The following CDH13 variants were observed in gnomAD, a reference collection of about 807,000 sequenced individuals.
CDH13 encodes the protein cadherin-13.
CDH13 carries 24 observed loss-of-function variants against 63.8 expected under a neutral mutation model. The observed-to-expected ratio is 0.38, with a 90% CI of 0.27 to 0.53. The LOEUF (loss-of-function observed/expected upper bound fraction) is 0.53, where lower values mean the gene tolerates loss of function less well. CDH13 is among the 20% of genes least tolerant of loss of function. The probability of loss-of-function intolerance (pLI) is 0.85; values close to 1 mark genes in which losing one functional copy is unlikely to be tolerated. For missense variants in CDH13, 1,049 were observed against 903.1 expected (o/e 1.16, Z -2.07); for synonymous variants, 503 against 355.3 (o/e 1.42, Z -4.67).
At chr16:82,680,840 A>C (rs1023113025) in intron 1 of CDH13, among the ~76,000 whole-genome samples, 2 of 152,210 alleles carry the variant, frequency 1.3e-5, no homozygotes, top group Non-Finnish European at 2.9e-5. Flanking sequence ...AGGCTGGTGG[A>C]GAGGACCGCC....
At chr16:83,624,452 G>C (rs575658953) in intron 8 of CDH13, among the ~76,000 whole-genome samples, 4 of 152,152 alleles carry the variant, frequency 2.6e-5, no homozygotes, top group African/African-American at 7.2e-5. Flanking sequence ...GTTTCGGGAT[G>C]ACACTGTTCC....
At chr16:83,348,138 C>G (rs549034580) in intron 6 of CDH13, among the ~76,000 whole-genome samples, 1 of 152,076 alleles carries the variant, frequency 6.6e-6, no homozygotes, top group Non-Finnish European at 1.5e-5. Context: ...TGCAGTGAGC[C>G]AAGATCACGC....
At chr16:83,508,165 G>T (rs1339890462) in intron 7 of CDH13, among the ~76,000 whole-genome samples, 2 of 141,460 alleles carry the variant, frequency 1.4e-5, no homozygotes, top group African/African-American at 5.2e-5. Flanking sequence ...GCGAGGGGAG[G>T]GGAGGAGAGG....
At chr16:83,778,937 C>T (rs927819928) in intron 11 of CDH13, among the ~76,000 whole-genome samples, 2 of 152,200 alleles carry the variant, frequency 1.3e-5, no homozygotes, top group Non-Finnish European at 2.9e-5. Context: ...CCTCCCCCTG[C>T]CACCAACATG....
chr16:82,990,725 T>C (rs1420809215), intron 2 of CDH13, among the ~76,000 whole-genome samples: 1 of 152,002 alleles, frequency 6.6e-6, no homozygotes, highest in East Asian at 1.9e-4. Context: ...TATTTATTTA[T>C]TGTAGAGGTG....
chr16:83,247,918 C>T (rs939384039), intron 5 of CDH13, among the ~76,000 whole-genome samples: 2 of 152,078 alleles, frequency 1.3e-5, no homozygotes, highest in African/African-American at 4.8e-5. Flanking sequence ...TAAATGTCAC[C>T]CATGTGTTAG....
intron 1 of CDH13, among the ~76,000 whole-genome samples, chr16:82,807,175 A>C (rs1029263889): frequency 6.6e-6 from 1 of 151,936 alleles, no homozygotes; most frequent in Non-Finnish European, 1.5e-5. Context: ...CCAGTGTTCC[A>C]AATGTCATAT....
chr16:82,696,863 T>C (rs1170200535), intron 1 of CDH13, among the ~76,000 whole-genome samples: 1 of 152,202 alleles, frequency 6.6e-6, no homozygotes, highest in Non-Finnish European at 1.5e-5. Flanking sequence ...ATAGGAGTCA[T>C]CTGCAGGCTT....
chr16:83,262,237 A>G (rs995375568), intron 5 of CDH13, among the ~76,000 whole-genome samples: 1 of 152,170 alleles, frequency 6.6e-6, no homozygotes, highest in African/African-American at 2.4e-5. Context: ...CCCTGTAAGT[A>G]TAATTTCCCC....
intron 6 of CDH13, among the ~76,000 whole-genome samples, chr16:83,481,423 C>CT (rs1246148827): frequency 6.6e-6 from 1 of 152,198 alleles, no homozygotes; most frequent in Non-Finnish European, 1.5e-5. Flanking sequence ...CCCCGTCACT[C>CT]TCAGATCTGC....
At chr16:83,562,752 T>C (rs894250972) in intron 7 of CDH13, among the ~76,000 whole-genome samples, 4 of 152,210 alleles carry the variant, frequency 2.6e-5, no homozygotes, top group Admixed American at 1.3e-4. Context: ...AAAAGTCGTC[T>C]TGAAGGGAGG....
intron 7 of CDH13, among the ~76,000 whole-genome samples, chr16:83,591,864 G>A (rs1325792523): frequency 2.0e-5 from 3 of 152,200 alleles, no homozygotes; most frequent in African/African-American, 7.2e-5. Context: ...ACCAGAATCA[G>A]CCTTCCCTTC....
intron 1 of CDH13, among the ~76,000 whole-genome samples, chr16:82,655,805 A>G (rs575755794): frequency 2.2e-4 from 34 of 152,276 alleles, no homozygotes; most frequent in South Asian, 1.7e-3. Context: ...CATTTTAACA[A>G]TGGGGAAACT....
At chr16:82,688,138 C>T (rs1358973149) in intron 1 of CDH13, among the ~76,000 whole-genome samples, 1 of 152,158 alleles carries the variant, frequency 6.6e-6, no homozygotes, top group Non-Finnish European at 1.5e-5. Context: ...AAACAAGTAA[C>T]CACAGGGTAG....
intron 6 of CDH13, among the ~76,000 whole-genome samples, chr16:83,370,228 AAT>A (rs1296337784): frequency 1.3e-5 from 2 of 152,074 alleles, no homozygotes; most frequent in Non-Finnish European, 2.9e-5. Context: ...TCTACTAAAA[AAT>A]AGAAAAAATT....
At chr16:83,701,390 C>T (rs1906201906) in intron 10 of CDH13, among the ~76,000 whole-genome samples, 1 of 152,196 alleles carries the variant, frequency 6.6e-6, no homozygotes, top group East Asian at 1.9e-4. Context: ...TTCATCATTT[C>T]ATTCGGTCCA....
intron 9 of CDH13, among the ~76,000 whole-genome samples, chr16:83,675,811 A>G (rs994636731): frequency 2.6e-5 from 4 of 152,234 alleles, no homozygotes; most frequent in Non-Finnish European, 5.9e-5. Context: ...ATATCCAAGA[A>G]TGTTAGATTT....
intron 10 of CDH13, chr16:83,735,927 G>A (rs1911499055): frequency 6.6e-6 from 1 of 152,138 alleles, no homozygotes; most frequent in African/African-American, 2.4e-5. Context: ...GCCTAGGAAT[G>A]CAGGGAAAAA....
At chr16:83,013,102 G>A (rs2151439149) in intron 2 of CDH13, among the ~76,000 whole-genome samples, 1 of 152,326 alleles carries the variant, frequency 6.6e-6, no homozygotes, top group East Asian at 1.9e-4. Context: ...TTGGCCTACA[G>A]CAGTGATCAA....
Sources: gnomAD v4.1 joint callset for allele counts (sites outside exome capture counted in the v4.1 genomes callset) on GRCh38, gnomAD v4.1.1 for gene constraint, MANE v1.5 for transcripts, NCBI Gene and HGNC (gene_info 2026-07-23, HGNC 2026-07-21) for gene names.